TJP3: variants seen among roughly 807,000 people sequenced by gnomAD.
TJP3 encodes the protein tight junction protein ZO-3.
Under a neutral mutation model 104.2 loss-of-function variants are expected in TJP3, and 85 were observed. The ratio of observed to expected loss-of-function variants is 0.82; its 90% confidence interval spans 0.68 to 0.98. TJP3 has a LOEUF of 0.98. Ranked by LOEUF, TJP3 falls within the 50% of genes least tolerant of loss-of-function variation. The pLI is 0.00. For synonymous variants in TJP3, 550 were observed against 550.6 expected (o/e 1.00, Z 0.02); for missense variants, 1,367 against 1,322.8 (o/e 1.03, Z -0.52).
intron 10 of TJP3, 23 bp from the exon 11 acceptor site, chr19:3,736,142 C>A: frequency 6.4e-7 from 1 of 1,570,466 alleles, no homozygotes. Context: ...CTGCTCTGAC[C>A]CCATCTCTGC....
At chr19:3,721,230 G>A (rs900138829) in intron 1 of TJP3, among the ~76,000 whole-genome samples, 2 of 152,044 alleles carry the variant, frequency 1.3e-5, no homozygotes, top group African/African-American at 4.8e-5. Flanking sequence ...TCTGGATGCT[G>A]GGTGTGAAGA....
At chr19:3,711,390 G>A (rs1220360807) in intron 1 of TJP3, among the ~76,000 whole-genome samples, 2 of 138,558 alleles carry the variant, frequency 1.4e-5, no homozygotes, top group East Asian at 4.7e-4. Flanking sequence ...GTAGAGACAG[G>A]GTTTCACCGT....
chr19:3,720,050 G>A lies in TJP3; in HGVS notation c.-9-8374G>A, dbSNP rs564254449. Among the ~76,000 whole-genome samples, 8 of 152,224 alleles carry A rather than the reference G, an allele frequency of 5.3e-5. No individual in the cohort carries two copies. The South Asian group carries it at 6.2e-4, about 12-fold the overall frequency. The stretch of plus-strand genomic sequence containing the variant: ...GTGAGCCATTGTGCCTGGCCTCTAC[G>A]CCCCTTTTAATCCTCCTGACAACCC... On this transcript the variant is annotated intron_variant, in intron 1 of 20. Coordinates refer to ENST00000541714, the MANE Select transcript of TJP3 (RefSeq NM_001267560.2).
Position 3,750,812 on chromosome 19 carries a change from C to A in TJP3, c.*128C>A. ...TTTAATAAACAGAGTATTTTCACAG[C>A]ACCGGCTTCTAGTGGCTTCCAGGAA... On this transcript the variant is annotated 3_prime_UTR_variant, in exon 21 of 21. Coordinates refer to ENST00000541714, the MANE Select transcript of TJP3 (RefSeq NM_001267560.2). 2.0e-6 allele frequency: 2 copies of A among 1,013,598 alleles called. No homozygotes were observed. Among genetic ancestry groups the A allele is most frequent in the Non-Finnish European group, 1.5e-6 (1 of 676,268 alleles). 62.8% of individuals were successfully genotyped at this position (1,013,598 alleles called of 1,614,324 possible).
In TJP3 at chr19:3,740,709, G is replaced by A. The variant is rs764926792; in HGVS notation, c.1789G>A (p.Ala597Thr). 3.1e-6 allele frequency: 5 copies of A among 1,603,804 alleles called. No individual in the cohort carries two copies. In the African/African-American group the frequency reaches 5.4e-5, roughly 17 times the overall value. The change falls in exon 14 of 21, where the codon GCT becomes ACT. Residue 597 changes from alanine (A) to threonine (T), a missense_variant. Ala to Thr is a moderately conservative substitution (Grantham distance 58). Coordinates refer to ENST00000541714, the MANE Select transcript of TJP3 (RefSeq NM_001267560.2). Reference sequence around the variant, plus strand: ...TCAGCGGAGCCGTGAGGACCTCTCAGCTCTGACCCGACAGGGCCGCTACCC... The same window carrying A: ...TCAGCGGAGCCGTGAGGACCTCTCAACTCTGACCCGACAGGGCCGCTACCC... ...TTQRSREDLS[A>T]LTRQGRYPPY...
At position 3,735,702 on chromosome 19, in the gene TJP3, C is replaced by T. The variant is rs576164266; in HGVS notation, c.1060+63C>T. 76 of 1,601,918 alleles carry T rather than the reference C, an allele frequency of 4.7e-5. 2 individuals are homozygous for T. In the South Asian group the frequency reaches 7.5e-4, roughly 16 times the overall value. On this transcript the variant is annotated intron_variant, in intron 9 of 20. Transcript: ENST00000541714. Reference sequence around the variant, plus strand: ...TCTGATCCCTGACAGCAAGGCTGTGCCAGGCAGAGCTGGGGGAGGTTGGCC... The same window carrying T: ...TCTGATCCCTGACAGCAAGGCTGTGTCAGGCAGAGCTGGGGGAGGTTGGCC...
At position 3,730,078 on chromosome 19, in the gene TJP3, C is replaced by G. The variant is rs144563927; in HGVS notation, c.209C>G (p.Thr70Ser). ...AACGGGGTTTCCATGGAGAATGCCA[C>G]CTCCGCGTTTGCCATTCAGATACTC... is the stretch of plus-strand genomic sequence containing the variant. ...MVNGVSMENA[T>S]SAFAIQILKT... Residue 70 changes from threonine to serine, a missense_variant, in exon 4 of 21, where the codon ACC (threonine) becomes AGC (serine). By Grantham distance (58) the Thr-to-Ser change is moderately conservative. Transcript: ENST00000541714. The surrounding 1 kb of genome is among the most constrained non-coding windows in gnomAD (Gnocchi z 7.3). 5.6e-6 allele frequency: 9 copies of G among 1,614,032 alleles called. No individual in the cohort carries two copies. The African/African-American group carries it at 1.2e-4, about 22-fold the overall frequency.
chr19:3,727,296 C>T (rs1383059101), intron 1 of TJP3, among the ~76,000 whole-genome samples: 5 of 151,956 alleles, frequency 3.3e-5, no homozygotes, highest in Admixed American at 2.6e-4. Context: ...GCCTGGCCAA[C>T]ATAGTGAAAC....
At chr19:3,747,382 G>A (rs375380854) in intron 18 of TJP3, among the ~76,000 whole-genome samples, 11 of 152,204 alleles carry the variant, frequency 7.2e-5, no homozygotes, top group African/African-American at 2.4e-4. Context: ...TTTTGAGAAT[G>A]GAGTCAGTGG....
chr19:3,716,801 AT>A lies in TJP3; in HGVS notation c.-10+8256del, dbSNP rs1215459660. 1.6e-3 allele frequency among the ~76,000 whole-genome samples: 135 copies of A among 81,936 alleles called. 2 individuals are homozygous for A. Among genetic ancestry groups the A allele is most frequent in the Admixed American group, 7.9e-3 (49 of 6,192 alleles). The allele number at this position is 81,936 out of a possible 152,430, so 53.8% of individuals were successfully genotyped here. On this transcript the variant is annotated intron_variant, in intron 1 of 20. Coordinates refer to ENST00000541714, the MANE Select transcript of TJP3 (RefSeq NM_001267560.2). ...CATACATATATATATATATATATAT[AT>A]TTTTTTTTTTTTTTTGAAACAGAGT...
At chr19:3,712,403 G>A (rs1015745656) in intron 1 of TJP3, among the ~76,000 whole-genome samples, 10 of 152,192 alleles carry the variant, frequency 6.6e-5, no homozygotes, top group African/African-American at 2.4e-4. Flanking sequence ...CTGGGACACT[G>A]TAATTCACCT....
intron 2 of TJP3, 28 bp downstream of exon 2, chr19:3,728,508 G>A: frequency 1.2e-6 from 2 of 1,605,338 alleles, no homozygotes; most frequent in Middle Eastern, 1.7e-4. Flanking sequence ...CTGTCTGGGT[G>A]CCAGAGAGTA....
At chr19:3,716,799 A>AT (rs1474982158) in intron 1 of TJP3, among the ~76,000 whole-genome samples, 7,333 of 72,430 alleles carry the variant, frequency 0.1, 453 homozygotes, top group Admixed American at 0.23. Flanking sequence ...ATATATATAT[A>AT]TATTTTTTTT....
In TJP3 at chr19:3,728,828, G is replaced by T. The variant is rs1811242; in HGVS notation, c.158+115G>T. On this transcript the variant is annotated intron_variant, in intron 3 of 20. Coordinates refer to ENST00000541714, the MANE Select transcript of TJP3 (RefSeq NM_001267560.2). Reference sequence around the variant, plus strand: ...AGCACTTTGCGAGGCTGAAGTGGGCGGATCACCTGAGTTCAGGAGTTTGAG... The same window carrying T: ...AGCACTTTGCGAGGCTGAAGTGGGCTGATCACCTGAGTTCAGGAGTTTGAG... 2.2e-4 allele frequency: 244 copies of T among 1,108,828 alleles called. 1 individual carries two copies. The highest frequency in any genetic ancestry group is 1.0e-3 in the Admixed American group (49 of 46,754). The allele number at this position is 1,108,828 out of a possible 1,614,324, so 68.7% of individuals were successfully genotyped here.
In TJP3 at chr19:3,733,836, G is replaced by T. The variant is rs1449939378; in HGVS notation, c.801G>T (p.Leu267=). The change falls in exon 7 of 21, where the codon CTG becomes CTT. Residue 267 remains leucine (L), a synonymous_variant. Transcript: ENST00000541714. ...IEKSEGKLSL[L]VLRDRGQFLV... is the part of the protein sequence containing the mutation. ...AGTCAGAAGGGAAGCTAAGCCTGCT[G>T]GTGCTGAGAGATCGTGGGCAGTTCC... The T allele has an allele frequency of 6.2e-7, 1 of 1,614,230 alleles. No individual in the cohort carries two copies. The highest frequency in any genetic ancestry group is 8.5e-7 in the Non-Finnish European group (1 of 1,180,032).
chr19:3,737,560 G>C (rs1456475902), intron 11 of TJP3, among the ~76,000 whole-genome samples: 2 of 151,776 alleles, frequency 1.3e-5, no homozygotes, highest in Non-Finnish European at 2.9e-5. Flanking sequence ...CTCTGTCCTT[G>C]CCTCATCTCA....
intron 13 of TJP3, 79 bp from the exon 14 acceptor site, chr19:3,740,473 C>T (rs562543004): frequency 2.1e-5 from 20 of 956,212 alleles, no homozygotes; most frequent in Admixed American, 7.6e-5. Context: ...CCACAGGCTC[C>T]GAGGGGTAGG....
intron 20 of TJP3, 67 bp from the exon 21 acceptor site, chr19:3,750,515 T>C: frequency 7.3e-7 from 1 of 1,363,544 alleles, no homozygotes; most frequent in South Asian, 1.3e-5. Context: ...ACAGCCAGCC[T>C]CAGTTTATGG....
intron 1 of TJP3, among the ~76,000 whole-genome samples, chr19:3,717,171 G>T (rs1445202047): frequency 6.9e-6 from 1 of 145,766 alleles, no homozygotes; most frequent in Admixed American, 7.0e-5. Context: ...CTCCATGTTG[G>T]TCAGGCTGGT....
Sources: gnomAD v4.1 joint callset for allele counts (sites outside exome capture counted in the v4.1 genomes callset) on GRCh38, gnomAD v4.1.1 for gene constraint, Gnocchi (gnomAD v3.1) non-coding constraint, MANE v1.5 for transcripts, NCBI Gene and HGNC (gene_info 2026-07-23, HGNC 2026-07-21) for gene names.